The following GABRG3 variants were observed in gnomAD, a reference collection of about 807,000 sequenced individuals.
GABRG3 encodes gamma-aminobutyric acid type A receptor subunit gamma3, also known as gamma-aminobutyric acid receptor subunit gamma-3.
In GABRG3, 25 loss-of-function variants were observed where a neutral mutation model predicts 48.8. That is an observed-to-expected ratio of 0.51 (90% CI 0.37 to 0.72). The LOEUF is 0.72. Ranked by LOEUF, GABRG3 falls within the 30% of genes least tolerant of loss-of-function variation. The pLI, the probability that GABRG3 is intolerant of heterozygous loss-of-function variation, is 0.00. For synonymous variants in GABRG3, 227 were observed against 217.6 expected (o/e 1.04, Z -0.38); for missense variants, 394 against 577.9 (o/e 0.68, Z 3.26).
chr15:27,072,477 A>G (rs1369215717), intron 3 of GABRG3, among the ~76,000 whole-genome samples: 1 of 152,166 alleles, frequency 6.6e-6, no homozygotes, highest in Non-Finnish European at 1.5e-5. Flanking sequence ...CTCTCTCAGG[A>G]CATTTCATCT....
chr15:27,238,012 A>G (rs1400319666), intron 3 of GABRG3, among the ~76,000 whole-genome samples: 1 of 152,208 alleles, frequency 6.6e-6, no homozygotes, highest in Admixed American at 6.5e-5. Flanking sequence ...AGGTGAGAAG[A>G]AGAGTTAATT....
chr15:27,045,542 A>G (rs1896348392), intron 3 of GABRG3, among the ~76,000 whole-genome samples: 1 of 152,206 alleles, frequency 6.6e-6, no homozygotes, highest in African/African-American at 2.4e-5. Context: ...GCAACAATCA[A>G]TTTAAGCAGC....
intron 3 of GABRG3, among the ~76,000 whole-genome samples, chr15:27,211,442 G>C (rs536805993): frequency 6.6e-6 from 1 of 152,270 alleles, no homozygotes; most frequent in South Asian, 2.1e-4. Context: ...ATACACTTTA[G>C]AGTAACTGAA....
intron 3 of GABRG3, among the ~76,000 whole-genome samples, chr15:27,137,654 C>G (rs987503571): frequency 1.3e-5 from 2 of 148,828 alleles, no homozygotes; most frequent in Non-Finnish European, 3.0e-5. Flanking sequence ...TGTTTCATAA[C>G]ACTGACTCCC....
chr15:27,071,275 G>A (rs1422628489), intron 3 of GABRG3, among the ~76,000 whole-genome samples: 3 of 152,182 alleles, frequency 2.0e-5, no homozygotes, highest in Non-Finnish European at 2.9e-5. Flanking sequence ...GGCCAAGGAG[G>A]GGGCATTTCT....
At chr15:27,291,997 C>G (rs371747297) in intron 3 of GABRG3, among the ~76,000 whole-genome samples, 3 of 152,256 alleles carry the variant, frequency 2.0e-5, no homozygotes, top group African/African-American at 7.2e-5. Flanking sequence ...TAAATAATAA[C>G]CCACTGTTCA....
At chr15:27,407,433 C>T (rs1393759172) in intron 5 of GABRG3, among the ~76,000 whole-genome samples, 2 of 152,140 alleles carry the variant, frequency 1.3e-5, no homozygotes, top group East Asian at 3.9e-4. Context: ...ATACTCTTAC[C>T]ATGTGACCCA....
At chr15:27,246,573 C>T (rs60320348) in intron 3 of GABRG3, among the ~76,000 whole-genome samples, 34,308 of 151,988 alleles carry the variant, frequency 0.23, 5,432 homozygotes, top group East Asian at 0.51. Context: ...CCCAGAAAAC[C>T]TTTCTTAGCT....
rs1057201689 is a variant in GABRG3 at position 27,457,959 on chromosome 15, G to A, written c.575-22691G>A. 6.6e-6 allele frequency among the ~76,000 whole-genome samples: 1 copy of A among 152,156 alleles called. No homozygotes were observed. Among genetic ancestry groups the A allele is most frequent in the Non-Finnish European group, 1.5e-5 (1 of 68,018 alleles). ...GACCTTATTGATGTAGCTGAAAGAGGAGGCAGAAACAGCCTGTGACCATCT... is the reference window on the plus strand; with the variant it reads ...GACCTTATTGATGTAGCTGAAAGAGAAGGCAGAAACAGCCTGTGACCATCT... On this transcript the variant is annotated intron_variant, in intron 5 of 9. Coordinates refer to ENST00000615808, the MANE Select transcript of GABRG3 (RefSeq NM_033223.5). This position sits in a 1 kb window ranked among gnomAD's most constrained non-coding sequence, Gnocchi z 4.4.
intron 5 of GABRG3, among the ~76,000 whole-genome samples, chr15:27,412,853 G>A (rs1301954398): frequency 6.6e-6 from 1 of 152,140 alleles, no homozygotes; most frequent in Admixed American, 6.6e-5. Context: ...AAAAATTAAT[G>A]TGTTATTTTT....
rs771628548 is a variant in GABRG3, at chr15:27,532,706, A to G, written c.1229A>G (p.Asp410Gly). The G allele has an allele frequency of 8.1e-6, 13 of 1,613,900 alleles. No homozygotes were observed. In the African/African-American group the frequency reaches 9.3e-5, roughly 12 times the overall value. The change falls in exon 10 of 10, where the codon GAT (aspartate) becomes GGT (glycine). Residue 410 changes from aspartate to glycine, a missense_variant. Asp to Gly is a moderately conservative substitution (Grantham distance 94). Around this residue, in one of 3 missense-constraint regions of GABRG3, gnomAD observed 126 missense variants for 155.5 expected, o/e 0.81. Coordinates refer to ENST00000615808, the MANE Select transcript of GABRG3 (RefSeq NM_033223.5). Reference sequence around the variant, plus strand: ...GATACCTGTGTCTATGAGTGTCTGGATGGCAAAGACTGTCAGAGCTTCTTC... The same window carrying G: ...GATACCTGTGTCTATGAGTGTCTGGGTGGCAAAGACTGTCAGAGCTTCTTC... ...FEDTCVYECL[D>G]GKDCQSFFCC...
rs1395035152 is a variant in GABRG3, at chr15:27,179,495, GCT to G, written c.271-147313_271-147312del. On this transcript the variant is annotated intron_variant, in intron 3 of 9. Transcript: ENST00000615808. The surrounding 1 kb of genome is among the most constrained non-coding windows in gnomAD (Gnocchi z 4.0). ...TGTGATACAATTTCGCTGGCTTTAT[GCT>G]TGGTCTGGCTCTGAGAAATTTATCA... 4.6e-5 allele frequency among the ~76,000 whole-genome samples: 7 copies of G among 152,162 alleles called. No individual in the cohort carries two copies. Among genetic ancestry groups the G allele is most frequent in the Admixed American group, 4.6e-4 (7 of 15,274 alleles).
At chr15:27,147,600 A>T (rs1898233188) in intron 3 of GABRG3, among the ~76,000 whole-genome samples, 1 of 152,046 alleles carries the variant, frequency 6.6e-6, no homozygotes, top group African/African-American at 2.4e-5. Flanking sequence ...AGAAATTTGA[A>T]ATAATTGAAA....
intron 3 of GABRG3, among the ~76,000 whole-genome samples, chr15:27,124,826 G>T (rs537913130): frequency 6.6e-6 from 1 of 152,180 alleles, no homozygotes; most frequent in Non-Finnish European, 1.5e-5. Context: ...AGCTGTTCTG[G>T]TTCCTTTGAA....
chr15:27,050,892 TATC>T (rs1164020018), intron 3 of GABRG3, among the ~76,000 whole-genome samples: 1 of 152,218 alleles, frequency 6.6e-6, no homozygotes, highest in Non-Finnish European at 1.5e-5. Flanking sequence ...TGATGTTTAA[TATC>T]ATGGTCCTGC....
In GABRG3 at chr15:27,484,370, C is replaced by T. The variant is rs926980653; in HGVS notation, c.712+3583C>T. On this transcript the variant is annotated intron_variant, in intron 6 of 9. Coordinates refer to ENST00000615808, the MANE Select transcript of GABRG3 (RefSeq NM_033223.5). ...TACCGACACTGAGAATAACCTGCAG[C>T]GAATTCAAGGAAGTGTACCTTGGAA... Among the ~76,000 whole-genome samples, 9 of 152,090 alleles carry T rather than the reference C, an allele frequency of 5.9e-5. No homozygotes were observed. The East Asian group carries it at 7.7e-4, about 13-fold the overall frequency.
intron 3 of GABRG3, among the ~76,000 whole-genome samples, chr15:27,231,329 A>G (rs1273091268): frequency 6.6e-6 from 1 of 152,236 alleles, no homozygotes; most frequent in East Asian, 1.9e-4. Flanking sequence ...AGTTAAACTA[A>G]TGATAACTAA....
Position 27,235,512 on chromosome 15 carries a change from A to G in GABRG3, c.271-91297A>G, listed in dbSNP as rs1423314213. Among the ~76,000 whole-genome samples, 4 of 152,204 alleles carry G rather than the reference A, an allele frequency of 2.6e-5. No individual in the cohort carries two copies. In the East Asian group the frequency reaches 7.7e-4, roughly 29 times the overall value. ...CTTATTTCTTAAAACTGGCATGTGG[A>G]AAGCTGAGGTGTGGGTGGGAATTTT... is the stretch of plus-strand genomic sequence containing the variant. On this transcript the variant is annotated intron_variant, in intron 3 of 9. Transcript: ENST00000615808.
chr15:27,308,167 T>TATGTTTATACATCCAAACATATATAAGC (rs1566773254), intron 3 of GABRG3, among the ~76,000 whole-genome samples: 1 of 21,282 alleles, frequency 4.7e-5, no homozygotes, highest in Non-Finnish European at 9.0e-5. Flanking sequence ...TATAAACATA[T>TATGTTTATACATCCAAACATATATAAGC]ATGTTTATAT....
Sources: allele counts gnomAD v4.1 joint callset (sites outside exome capture counted in the v4.1 genomes callset), GRCh38; gene constraint gnomAD v4.1.1; regional missense constraint gnomAD v4.1.1; non-coding constraint Gnocchi (gnomAD v3.1); transcripts MANE v1.5; gene names NCBI Gene and HGNC (gene_info 2026-07-23, HGNC 2026-07-21).